Variants in KCNQ5 observed in about 807,000 individuals in gnomAD.
KCNQ5 encodes the protein potassium voltage-gated channel subfamily KQT member 5.
Under a neutral mutation model 98.2 loss-of-function variants are expected in KCNQ5, and 30 were observed. The observed-to-expected ratio is 0.31, with a 90% CI of 0.23 to 0.41. KCNQ5 has a LOEUF of 0.41. Among genes scored for constraint, KCNQ5 ranks in the 10% least tolerant of loss-of-function variants. The pLI is 1.00. For missense variants in KCNQ5, 835 were observed against 1,182.5 expected (o/e 0.71, Z 4.31); for synonymous variants, 458 against 449.4 (o/e 1.02, Z -0.24).
intron 6 of KCNQ5, among the ~76,000 whole-genome samples, chr6:73,109,479 T>C (rs1007400948): frequency 1.3e-5 from 2 of 152,218 alleles, no homozygotes; most frequent in African/African-American, 2.4e-5. Context: ...TTTTGGTATT[T>C]CATATTCTCT....
At chr6:72,870,466 C>G (rs1376437988) in intron 1 of KCNQ5, among the ~76,000 whole-genome samples, 1 of 151,886 alleles carries the variant, frequency 6.6e-6, no homozygotes, top group Non-Finnish European at 1.5e-5. Context: ...GTCCAGGCTG[C>G]TCTCGGACTC....
rs545759915 is a variant in KCNQ5 at position 73,149,617 on chromosome 6, G to A, written c.1468+15976G>A. 2.2e-3 allele frequency among the ~76,000 whole-genome samples: 333 copies of A among 152,196 alleles called. 1 individual carries two copies. The highest frequency in any genetic ancestry group is 7.6e-3 in the African/African-American group (317 of 41,506). ...TCAAGACCAGCCTGGCCAACATGGTGAAACCCTGTCTCTACTAAAAATACA... is the reference window on the plus strand; with the variant it reads ...TCAAGACCAGCCTGGCCAACATGGTAAAACCCTGTCTCTACTAAAAATACA... On this transcript the variant is annotated intron_variant, in intron 10 of 13. Transcript: ENST00000370398.
chr6:72,903,715 T>C lies in KCNQ5; in HGVS notation c.399-100193T>C, dbSNP rs149656595. Among the ~76,000 whole-genome samples, 694 of 152,292 alleles carry C rather than the reference T, an allele frequency of 4.6e-3. 5 individuals carry two copies. The highest frequency in any genetic ancestry group is 0.016 in the African/African-American group (668 of 41,570). On this transcript the variant is annotated intron_variant, in intron 1 of 13. Coordinates refer to ENST00000370398, the MANE Select transcript of KCNQ5 (RefSeq NM_019842.4). Reference sequence around the variant, plus strand: ...AAGAGTGCTTGATATAATTTCAATTTTCTTAAATTTATTGAGGCTTGTTTG... The same window carrying C: ...AAGAGTGCTTGATATAATTTCAATTCTCTTAAATTTATTGAGGCTTGTTTG...
intron 6 of KCNQ5, 75 bp downstream of exon 6, chr6:73,105,442 G>A (rs947610775): frequency 3.7e-5 from 30 of 810,656 alleles, no homozygotes; most frequent in African/African-American, 2.8e-4. Flanking sequence ...TCACAAATTC[G>A]TATGCTTGGG....
chr6:72,854,226 GT>G (rs1777421057), intron 1 of KCNQ5, among the ~76,000 whole-genome samples: 1 of 151,876 alleles, frequency 6.6e-6, no homozygotes, highest in Non-Finnish European at 1.5e-5. Context: ...TAGAAAAGTA[GT>G]AACATTAGAA....
intron 11 of KCNQ5, among the ~76,000 whole-genome samples, chr6:73,187,190 G>T (rs1765398984): frequency 6.6e-6 from 1 of 151,812 alleles, no homozygotes; most frequent in South Asian, 2.1e-4. Context: ...CTCCCAAGTA[G>T]CTGGGACTAC....
chr6:73,179,709 ATC>A, intron 11 of KCNQ5, among the ~76,000 whole-genome samples: 1 of 147,782 alleles, frequency 6.8e-6, no homozygotes, highest in South Asian at 2.1e-4. Context: ...ACTTAATAAT[ATC>A]CCCATAAATG....
chr6:73,066,642 A>G (rs771660843), intron 3 of KCNQ5, among the ~76,000 whole-genome samples: 2 of 152,348 alleles, frequency 1.3e-5, no homozygotes, highest in African/African-American at 2.4e-5. Flanking sequence ...GAGAAATTCA[A>G]AGTTAGAAAG....
At chr6:73,137,642 A>G (rs1776524783) in intron 10 of KCNQ5, among the ~76,000 whole-genome samples, 1 of 152,078 alleles carries the variant, frequency 6.6e-6, no homozygotes, top group Non-Finnish European at 1.5e-5. Context: ...CTTTACCTCT[A>G]TTATTTTATT....
At chr6:72,627,989 G>A (rs1270481385) in intron 1 of KCNQ5, among the ~76,000 whole-genome samples, 1 of 152,104 alleles carries the variant, frequency 6.6e-6, no homozygotes, top group African/African-American at 2.4e-5. Context: ...CATTATAATG[G>A]TGCTTCCCCC....
intron 1 of KCNQ5, among the ~76,000 whole-genome samples, chr6:72,994,337 G>C (rs1252853048): frequency 2.5e-5 from 1 of 40,454 alleles, no homozygotes; most frequent in Non-Finnish European, 5.0e-5. Flanking sequence ...GACCCTCTGA[G>C]CCAGGTGTGG....
intron 1 of KCNQ5, among the ~76,000 whole-genome samples, chr6:72,714,213 C>T (rs1015733778): frequency 3.3e-5 from 5 of 152,150 alleles, no homozygotes; most frequent in African/African-American, 1.2e-4. Flanking sequence ...TAATCTCTAC[C>T]TAATTAACTA....
intron 1 of KCNQ5, among the ~76,000 whole-genome samples, chr6:72,994,200 G>A (rs751488183): frequency 1.2e-5 from 1 of 81,128 alleles, no homozygotes; most frequent in African/African-American, 6.9e-5. Context: ...AGTTCGAGCT[G>A]CCCGGCTGCT....
intron 11 of KCNQ5, among the ~76,000 whole-genome samples, chr6:73,183,015 T>A (rs886369855): frequency 3.7e-4 from 56 of 152,078 alleles, no homozygotes; most frequent in Non-Finnish European, 3.7e-4. Flanking sequence ...GGTGGCCAGG[T>A]TGAAAGGCAG....
intron 1 of KCNQ5, among the ~76,000 whole-genome samples, chr6:72,726,064 A>T (rs1335655468): frequency 6.6e-6 from 1 of 151,620 alleles, no homozygotes; most frequent in Non-Finnish European, 1.5e-5. Flanking sequence ...ATGTATAAAC[A>T]TCCTCATCTC....
intron 1 of KCNQ5, among the ~76,000 whole-genome samples, chr6:72,835,093 C>T (rs1776443359): frequency 6.6e-6 from 1 of 151,908 alleles, no homozygotes. Context: ...AAGCAGGGTA[C>T]AACATGAATT....
chr6:72,718,759 C>G (rs1769796329), intron 1 of KCNQ5, among the ~76,000 whole-genome samples: 1 of 152,088 alleles, frequency 6.6e-6, no homozygotes. Flanking sequence ...TCTGCTCCAT[C>G]TTATGGTCTT....
chr6:73,098,619 G>GA (rs1452475941), intron 5 of KCNQ5, among the ~76,000 whole-genome samples: 5 of 152,142 alleles, frequency 3.3e-5, no homozygotes, highest in East Asian at 1.9e-4. Context: ...GTGCTGAAGG[G>GA]AAAAAATATT....
intron 1 of KCNQ5, among the ~76,000 whole-genome samples, chr6:72,772,613 G>C (rs865776895): frequency 6.6e-6 from 1 of 152,146 alleles, no homozygotes; most frequent in African/African-American, 2.4e-5. Flanking sequence ...TGTAGGGAAA[G>C]TGCTATGCAT....
Sources: gnomAD v4.1 joint callset for allele counts (sites outside exome capture counted in the v4.1 genomes callset) on GRCh38, gnomAD v4.1.1 for gene constraint, MANE v1.5 for transcripts, NCBI Gene and HGNC (gene_info 2026-07-23, HGNC 2026-07-21) for gene names.